Variants in NAALADL2 observed in about 807,000 individuals in gnomAD.
NAALADL2 encodes N-acetylated alpha-linked acidic dipeptidase like 2.
A neutral mutation model predicts 87.2 loss-of-function variants in NAALADL2; 76 were observed. The ratio of observed to expected loss-of-function variants is 0.87; its 90% CI spans 0.72 to 1.05. The LOEUF is 1.05. Among genes scored for constraint, NAALADL2 ranks in the 50% least tolerant of loss-of-function variants. The pLI is 0.00. For missense variants in NAALADL2, 1,089 were observed against 945.8 expected (o/e 1.15, Z -1.99); for synonymous variants, 354 against 331.0 (o/e 1.07, Z -0.75).
At chr3:174,850,749 T>C (rs1051831673) in intron 3 of NAALADL2, among the ~76,000 whole-genome samples, 1 of 152,112 alleles carries the variant, frequency 6.6e-6, no homozygotes, top group Non-Finnish European at 1.5e-5. Flanking sequence ...ACCTAATTTA[T>C]AGATCAAGTG....
At chr3:174,908,687 T>C (rs1733291068) in intron 1 of NAALADL2, among the ~76,000 whole-genome samples, 2 of 152,158 alleles carry the variant, frequency 1.3e-5, no homozygotes, top group African/African-American at 2.4e-5. Context: ...ATTTGACTTA[T>C]ATACTAAAAC....
chr3:174,924,796 A>C (rs939674891), intron 1 of NAALADL2, among the ~76,000 whole-genome samples: 3 of 152,072 alleles, frequency 2.0e-5, no homozygotes, highest in Non-Finnish European at 4.4e-5. Context: ...TTTGCTTTGC[A>C]TTTCTCTGAT....
At chr3:174,755,186 C>T (rs1271138158) in intron 3 of NAALADL2, among the ~76,000 whole-genome samples, 2 of 152,178 alleles carry the variant, frequency 1.3e-5, no homozygotes, top group Non-Finnish European at 2.9e-5. Context: ...CATTCATTCT[C>T]CTTCCTCTGC....
In NAALADL2 at chr3:175,349,207, T is replaced by TAAAA. The variant is rs577690261; in HGVS notation, c.1090+24895_1090+24898dup. 4.9e-3 allele frequency among the ~76,000 whole-genome samples: 663 copies of TAAAA among 136,046 alleles called. 7 individuals are homozygous for TAAAA. The highest frequency in any genetic ancestry group is 6.5e-3 in the South Asian group (27 of 4,166). The allele number at this position is 136,046 out of a possible 152,430, so 89.3% of individuals were successfully genotyped here. A position where few individuals can be genotyped will look rare whatever the true frequency, so the allele number is the denominator to read the frequency against. The stretch of plus-strand genomic sequence containing the variant: ...CATAATTCCACTGGACAACTGCTAT[T>TAAAA]AAAAAAAAAAAAAAAAGATGTCCAG... On this transcript the variant is annotated intron_variant, in intron 5 of 13. Transcript: ENST00000454872.
chr3:175,148,079 A>AATAATG (rs201357051), intron 2 of NAALADL2, among the ~76,000 whole-genome samples: 3 of 140,626 alleles, frequency 2.1e-5, no homozygotes, highest in Admixed American at 7.2e-5. Flanking sequence ...TCAAAATAAT[A>AATAATG]ATAATGATAA....
chr3:175,426,007 G>A (rs1222280273), intron 5 of NAALADL2, among the ~76,000 whole-genome samples: 1 of 152,124 alleles, frequency 6.6e-6, no homozygotes, highest in Non-Finnish European at 1.5e-5. Context: ...CATGGAGTCT[G>A]TCAGAGAGAA....
At chr3:175,692,386 T>A (rs1316657251) in intron 11 of NAALADL2, among the ~76,000 whole-genome samples, 1 of 152,158 alleles carries the variant, frequency 6.6e-6, no homozygotes, top group Admixed American at 6.6e-5. Context: ...ACAATGGGAT[T>A]CTGTAGTGGA....
chr3:174,488,301 A>G (rs1366204484), intron 1 of NAALADL2, among the ~76,000 whole-genome samples: 2 of 152,012 alleles, frequency 1.3e-5, no homozygotes, highest in African/African-American at 4.8e-5. Flanking sequence ...TGTTTTATTT[A>G]ACTGCTTGGA....
intron 4 of NAALADL2, among the ~76,000 whole-genome samples, chr3:175,302,564 C>A (rs60162730): frequency 0.18 from 27,331 of 151,974 alleles, 2,714 homozygotes; most frequent in African/African-American, 0.26. Context: ...AACAGACATT[C>A]TGGAAAGGTA....
At chr3:175,034,192 C>T (rs1172313137) in intron 1 of NAALADL2, among the ~76,000 whole-genome samples, 1 of 151,996 alleles carries the variant, frequency 6.6e-6, no homozygotes, top group Non-Finnish European at 1.5e-5. Context: ...TTTAATAAGC[C>T]CTCCTTGGCT....
At chr3:174,773,498 G>A (rs1189992006) in intron 3 of NAALADL2, among the ~76,000 whole-genome samples, 2 of 152,160 alleles carry the variant, frequency 1.3e-5, no homozygotes, top group Non-Finnish European at 2.9e-5. Flanking sequence ...TATACTCCAT[G>A]CTAGTGATGA....
chr3:174,942,989 C>G (rs1473042487), intron 1 of NAALADL2, among the ~76,000 whole-genome samples: 1 of 152,172 alleles, frequency 6.6e-6, no homozygotes, highest in Non-Finnish European at 1.5e-5. Flanking sequence ...CCTCCTAAAT[C>G]TCAATGATCT....
At chr3:174,885,812 TCA>T (rs1379977082) in intron 1 of NAALADL2, among the ~76,000 whole-genome samples, 3 of 141,568 alleles carry the variant, frequency 2.1e-5, no homozygotes, top group Non-Finnish European at 4.5e-5. Flanking sequence ...AAGTATTAAC[TCA>T]CACAATCACA....
intron 11 of NAALADL2, among the ~76,000 whole-genome samples, chr3:175,650,155 G>A (rs1730566857): frequency 6.7e-6 from 1 of 150,162 alleles, no homozygotes; most frequent in Admixed American, 6.6e-5. Context: ...ATAAAATACT[G>A]ACACATGCTT....
At chr3:175,438,815 C>G (rs1303675857) in intron 5 of NAALADL2, among the ~76,000 whole-genome samples, 5 of 151,918 alleles carry the variant, frequency 3.3e-5, no homozygotes. Context: ...CAAGTGCTCT[C>G]TGACCATCTG....
chr3:174,992,800 A>G (rs968618625), intron 1 of NAALADL2, among the ~76,000 whole-genome samples: 1 of 152,196 alleles, frequency 6.6e-6, no homozygotes, highest in African/African-American at 2.4e-5. Context: ...AGTTAAATAT[A>G]TCAAATCTAG....
intron 3 of NAALADL2, among the ~76,000 whole-genome samples, chr3:175,243,882 A>G (rs2290919): frequency 6.6e-6 from 1 of 151,934 alleles, no homozygotes; most frequent in Non-Finnish European, 1.5e-5. Flanking sequence ...AGGGAAGGTA[A>G]TTTTAAAACT....
intron 5 of NAALADL2, among the ~76,000 whole-genome samples, chr3:175,422,183 C>T (rs1715822231): frequency 6.6e-6 from 1 of 151,902 alleles, no homozygotes; most frequent in African/African-American, 2.4e-5. Context: ...TTGAGTATGC[C>T]AGCAAAATAG....
chr3:175,639,227 G>T (rs1728946382), intron 11 of NAALADL2, among the ~76,000 whole-genome samples: 2 of 151,754 alleles, frequency 1.3e-5, no homozygotes, highest in Admixed American at 1.3e-4. Context: ...GCAAACAGGT[G>T]CACCTGTTAA....
Sources: allele counts gnomAD v4.1 joint callset (sites outside exome capture counted in the v4.1 genomes callset), GRCh38; gene constraint gnomAD v4.1.1; transcripts MANE v1.5; gene names NCBI Gene and HGNC (gene_info 2026-07-23, HGNC 2026-07-21).